The following OSMR variants were observed in gnomAD, a reference collection of about 807,000 sequenced individuals.
OSMR encodes oncostatin-M-specific receptor subunit beta.
Under a neutral mutation model 99.9 loss-of-function variants are expected in OSMR, and 81 were observed. The ratio of observed to expected loss-of-function variants is 0.81; its 90% CI spans 0.68 to 0.97. The LOEUF is 0.97. OSMR is among the 50% of genes least tolerant of loss of function. The pLI, the probability that OSMR is intolerant of heterozygous loss-of-function variation, is 0.00. For missense variants in OSMR, 1,099 were observed against 1,153.4 expected (o/e 0.95, Z 0.68); for synonymous variants, 406 against 410.4 (o/e 0.99, Z 0.13).
intron 7 of OSMR, among the ~76,000 whole-genome samples, chr5:38,896,542 C>A (rs1283246176): frequency 6.6e-6 from 1 of 151,910 alleles, no homozygotes; most frequent in African/African-American, 2.4e-5. Context: ...CTAATAGTTT[C>A]TTGGTGAAGT....
rs1275406523 is a variant in OSMR at position 38,925,218 on chromosome 5, T to G, written c.2059T>G (p.Cys687Gly). 2.0e-5 allele frequency: 32 copies of G among 1,613,962 alleles called. 1 individual carries two copies. In the East Asian group the frequency reaches 7.1e-4, roughly 36 times the overall value. ...KAVLSDGSEC[C>G]KYKIDNPEEK... ...AAAAATCACAGATGGTTCAGAATGT[T>G]GCAAATACAAAATTGACAACCCGGA... The change falls in exon 15 of 18, where the codon TGC becomes GGC. Residue 687 changes from cysteine (C) to glycine (G), a missense_variant. Physicochemically the swap from Cys to Gly is radical, Grantham distance 159. Coordinates refer to ENST00000274276, the MANE Select transcript of OSMR (RefSeq NM_003999.3).
At chr5:38,875,342 G>A (rs1742731864) in intron 2 of OSMR, among the ~76,000 whole-genome samples, 1 of 152,326 alleles carries the variant, frequency 6.6e-6, no homozygotes, top group East Asian at 1.9e-4. Flanking sequence ...AGAATCAGCA[G>A]TGACTTAACT....
rs755572243 is a variant in OSMR at position 38,876,281 on chromosome 5, T to C, written c.154T>C (p.Trp52Arg). Reference protein sequence around the residue: ...NSTRQSLHLQWTVHNLPYHQE... With the variant: ...NSTRQSLHLQRTVHNLPYHQE... ...TACGCGTCAGAGTTTGCACTTACAA[T>C]GGACTGTCCACAACCTTCCTTATCA... is the stretch of plus-strand genomic sequence containing the variant. The change falls in exon 3 of 18, where the codon TGG becomes CGG. Residue 52 changes from tryptophan (W) to arginine (R), a missense_variant. By Grantham distance (101) the Trp-to-Arg change is moderately radical. Transcript: ENST00000274276. The C allele has an allele frequency of 3.7e-6, 6 of 1,613,540 alleles. No homozygotes were observed. The African/African-American group carries it at 5.3e-5, about 14-fold the overall frequency.
intron 3 of OSMR, among the ~76,000 whole-genome samples, chr5:38,879,658 CTG>C (rs1386499390): frequency 7.1e-6 from 1 of 140,858 alleles, no homozygotes; most frequent in Non-Finnish European, 1.5e-5. Flanking sequence ...GAGTCTCACT[CTG>C]TTGCCCAGGG....
intron 15 of OSMR, 52 bp from the exon 16 acceptor site, chr5:38,931,831 G>A: frequency 6.3e-7 from 1 of 1,585,614 alleles, no homozygotes; most frequent in Admixed American, 1.7e-5. Flanking sequence ...TTATTCCTTT[G>A]AGGAAGGGAA....
intron 7 of OSMR, among the ~76,000 whole-genome samples, chr5:38,900,466 A>G (rs558563931): frequency 2.2e-4 from 34 of 152,276 alleles, no homozygotes; most frequent in African/African-American, 7.2e-4. Context: ...CAGGTGGGAC[A>G]ATCGATGGAG....
chr5:38,879,379 C>T (rs1346401858), intron 3 of OSMR, among the ~76,000 whole-genome samples: 4 of 152,176 alleles, frequency 2.6e-5, no homozygotes, highest in African/African-American at 9.7e-5. Context: ...AAGTGGCAAG[C>T]TCTGATTTGA....
intron 12 of OSMR, among the ~76,000 whole-genome samples, chr5:38,922,268 G>A (rs1044837308): frequency 1.3e-5 from 2 of 152,062 alleles, no homozygotes; most frequent in Non-Finnish European, 2.9e-5. Context: ...AGGAGTGCTG[G>A]TTTGTGTGGC....
At chr5:38,876,458 C>A (rs763915347) in intron 3 of OSMR, 85 bp downstream of exon 3, 38 of 1,193,018 alleles carry the variant, frequency 3.2e-5, no homozygotes, top group Non-Finnish European at 4.4e-5. Flanking sequence ...CTGAAAAATT[C>A]TCGTTTTGGA....
chr5:38,867,465 G>A (rs985685226), intron 1 of OSMR, among the ~76,000 whole-genome samples: 2 of 152,162 alleles, frequency 1.3e-5, no homozygotes, highest in African/African-American at 2.4e-5. Flanking sequence ...GGCAAAAATC[G>A]GTTTCAAATT....
At chr5:38,850,852 C>T (rs1740297159) in intron 1 of OSMR, among the ~76,000 whole-genome samples, 1 of 152,170 alleles carries the variant, frequency 6.6e-6, no homozygotes, top group South Asian at 2.1e-4. Context: ...AGCAAATTTA[C>T]TTCATATATA....
intron 1 of OSMR, among the ~76,000 whole-genome samples, chr5:38,862,466 G>A (rs1451166463): frequency 6.7e-6 from 1 of 150,232 alleles, no homozygotes; most frequent in African/African-American, 2.5e-5. Context: ...GGGCTGAGAC[G>A]CTCCTCACTT....
chr5:38,859,006 T>C (rs891503797), intron 1 of OSMR, among the ~76,000 whole-genome samples: 4 of 152,234 alleles, frequency 2.6e-5, no homozygotes, highest in African/African-American at 7.2e-5. Flanking sequence ...TATTAGTTCC[T>C]AGTCAGATGA....
chr5:38,906,627 AT>A (rs2112558843), intron 9 of OSMR, among the ~76,000 whole-genome samples: 2 of 152,340 alleles, frequency 1.3e-5, no homozygotes, highest in South Asian at 4.1e-4. Flanking sequence ...GGCTTCTCCA[AT>A]GACTTATTTA....
downstream of OSMR, among the ~76,000 whole-genome samples, chr5:38,936,781 T>C (rs1305073161): frequency 6.6e-6 from 1 of 152,196 alleles, no homozygotes; most frequent in Non-Finnish European, 1.5e-5. Flanking sequence ...TTCACAACTT[T>C]CAGTTAAAAT....
intron 6 of OSMR, 139 bp downstream of exon 6, chr5:38,885,623 A>T: frequency 8.5e-7 from 1 of 1,178,262 alleles, no homozygotes; most frequent in Non-Finnish European, 1.3e-6. Context: ...TCAAGAGGAA[A>T]CCTTTAAGTG....
In OSMR at chr5:38,918,080, G is replaced by A. The variant is rs575876455; in HGVS notation, c.1362+458G>A. On this transcript the variant is annotated intron_variant, in intron 10 of 17. Transcript: ENST00000274276. ...GTTTGTATTCTGAACTCTGTGATGCGTCAGTTTCACACTGAAACATGGTGA... is the reference window on the plus strand; with the variant it reads ...GTTTGTATTCTGAACTCTGTGATGCATCAGTTTCACACTGAAACATGGTGA... Among the ~76,000 whole-genome samples the A allele has an allele frequency of 3.5e-4, 54 of 152,136 alleles. 1 individual carries two copies. In the South Asian group the frequency reaches 6.4e-3, roughly 18 times the overall value.
rs759408115 is a variant in OSMR, at chr5:38,884,116, G to T, written c.703+5G>T. ...GCATCGTTCTTTTTGTCTCAAGTAA[G>T]TGTGCAAATTCTCTGTGGCCCTTTC... On this transcript the variant is annotated splice_donor_5th_base_variant and intron_variant, in intron 5 of 17. Transcript: ENST00000274276. The T allele has an allele frequency of 1.2e-6, 2 of 1,606,648 alleles. No individual in the cohort carries two copies.
chr5:38,861,719 C>T (rs1467577754), intron 1 of OSMR, among the ~76,000 whole-genome samples: 5 of 151,236 alleles, frequency 3.3e-5, no homozygotes, highest in South Asian at 2.1e-4. Flanking sequence ...CCTCACCTCG[C>T]GGACAGGGGG....
Sources: gnomAD v4.1 joint callset for allele counts (sites outside exome capture counted in the v4.1 genomes callset) on GRCh38, gnomAD v4.1.1 for gene constraint, MANE v1.5 for transcripts, NCBI Gene and HGNC (gene_info 2026-07-23, HGNC 2026-07-21) for gene names.